The following FRYL variants were observed in gnomAD, a reference collection of about 807,000 sequenced individuals.
FRYL encodes the protein protein furry homolog-like.
Under a neutral mutation model 351.2 loss-of-function variants are expected in FRYL, and 150 were observed. The observed-to-expected ratio is 0.43, with a 90% CI of 0.37 to 0.49. FRYL has a LOEUF of 0.49. FRYL is among the 20% of genes least tolerant of loss of function. The pLI is 0.00. For missense variants in FRYL, 3,036 were observed against 3,619.3 expected (o/e 0.84, Z 4.13); for synonymous variants, 1,153 against 1,257.1 (o/e 0.92, Z 1.75).
chr4:48,512,915 C>T (rs554846527), intron 56 of FRYL, among the ~76,000 whole-genome samples: 51 of 152,254 alleles, frequency 3.3e-4, no homozygotes, highest in Non-Finnish European at 6.3e-4. Flanking sequence ...AAGCAACTAC[C>T]TTAAAATAAC....
chr4:48,681,445 A>AT (rs1172398887), intron 3 of FRYL, among the ~76,000 whole-genome samples: 1 of 152,190 alleles, frequency 6.6e-6, no homozygotes, highest in Non-Finnish European at 1.5e-5. Context: ...TAACATTTAG[A>AT]TTTTGAAAAC....
chr4:48,582,973 GAAT>G (rs904273451), intron 19 of FRYL, among the ~76,000 whole-genome samples: 4 of 152,114 alleles, frequency 2.6e-5, no homozygotes, highest in Admixed American at 6.5e-5. Flanking sequence ...ACTATAATCT[GAAT>G]AATAAGTTTG....
intron 1 of FRYL, among the ~76,000 whole-genome samples, chr4:48,757,369 G>T (rs1773906794): frequency 6.6e-6 from 1 of 152,168 alleles, no homozygotes; most frequent in African/African-American, 2.4e-5. Context: ...ATCTCCTTAA[G>T]CTGATAAGCA....
intron 12 of FRYL, among the ~76,000 whole-genome samples, 173 bp from the exon 13 acceptor site, chr4:48,602,294 A>G (rs1475436539): frequency 6.6e-6 from 1 of 152,212 alleles, no homozygotes; most frequent in Non-Finnish European, 1.5e-5. Context: ...AAAGATAAAG[A>G]GTAAATTTTC....
At chr4:48,760,987 ACTCT>A (rs925452618) in intron 1 of FRYL, among the ~76,000 whole-genome samples, 26 of 127,016 alleles carry the variant, frequency 2.0e-4, no homozygotes, top group South Asian at 2.5e-4. Context: ...CACCCTCGCT[ACTCT>A]CTATTATTAC....
chr4:48,658,734 A>C (rs781012138), intron 3 of FRYL, among the ~76,000 whole-genome samples: 1 of 140,954 alleles, frequency 7.1e-6, no homozygotes, highest in Non-Finnish European at 1.5e-5. Context: ...TGCCTGAGTG[A>C]CAGTGAGACC....
At chr4:48,612,737 C>A (rs1168215834) in intron 7 of FRYL, among the ~76,000 whole-genome samples, 2 of 140,842 alleles carry the variant, frequency 1.4e-5, no homozygotes, top group South Asian at 4.9e-4. Flanking sequence ...TGCCACCATG[C>A]CTGGCTAATT....
chr4:48,571,028 G>A (rs1176048647), intron 26 of FRYL, 110 bp from the exon 27 acceptor site: 1 of 787,028 alleles, frequency 1.3e-6, no homozygotes, highest in Non-Finnish European at 2.1e-6. Context: ...TATTTTGCTT[G>A]TACAGTGTAG....
intron 3 of FRYL, among the ~76,000 whole-genome samples, chr4:48,682,661 G>GA (rs1764750217): frequency 6.6e-6 from 1 of 151,662 alleles, no homozygotes; most frequent in Non-Finnish European, 1.5e-5. Context: ...ACAAACATAC[G>GA]AAAAAAAACC....
Position 48,634,426 on chromosome 4 carries a change from T to C in FRYL, c.-16A>G, listed in dbSNP as rs200631733. The C allele has an allele frequency of 1.8e-3, 2,893 of 1,612,968 alleles. 64 individuals are homozygous for C. In the South Asian group the frequency reaches 0.03, roughly 17 times the overall value. On this transcript the variant is annotated 5_prime_UTR_variant, in exon 4 of 64. Coordinates refer to ENST00000358350, the MANE Select transcript of FRYL (RefSeq NM_015030.2). ...TGTTTGACATGATGATATTTTTTTT[T>C]CCCCAAGTGGAATGAAAGTTGGAAG...
At chr4:48,754,259 T>C (rs1173103024) in intron 1 of FRYL, among the ~76,000 whole-genome samples, 1 of 152,240 alleles carries the variant, frequency 6.6e-6, no homozygotes, top group Non-Finnish European at 1.5e-5. Flanking sequence ...TTCATATCAA[T>C]GGCATCATAC....
intron 53 of FRYL, 79 bp from the exon 54 acceptor site, chr4:48,523,183 T>C (rs1725268834): frequency 2.1e-6 from 2 of 938,780 alleles, no homozygotes; most frequent in South Asian, 1.6e-5. Context: ...CAGAAAAACA[T>C]ATACCAAGAT....
At chr4:48,682,335 G>A (rs1453057661) in intron 3 of FRYL, among the ~76,000 whole-genome samples, 1 of 152,042 alleles carries the variant, frequency 6.6e-6, no homozygotes, top group East Asian at 1.9e-4. Context: ...GAAAACCCAG[G>A]CAATACCATT....
Position 48,549,067 on chromosome 4 carries a change from T to C in FRYL, c.4785-274A>G, listed in dbSNP as rs1216168953. ...AGACTTAGCACACTGCTTGCCACAG[T>C]AGGTGTTCAATACATGTTTGGTGCA... On this transcript the variant is annotated intron_variant, in intron 39 of 63. Coordinates refer to ENST00000358350, the MANE Select transcript of FRYL (RefSeq NM_015030.2). The surrounding 1 kb of genome is among the most constrained non-coding windows in gnomAD (Gnocchi z 4.2). Among the ~76,000 whole-genome samples, 1 of 152,194 alleles carries C rather than the reference T, an allele frequency of 6.6e-6. No homozygotes were observed. The highest frequency in any genetic ancestry group is 1.5e-5 in the Non-Finnish European group (1 of 68,030).
chr4:48,734,075 T>C (rs531466595), intron 1 of FRYL, among the ~76,000 whole-genome samples: 1 of 152,026 alleles, frequency 6.6e-6, no homozygotes, highest in Admixed American at 6.6e-5. Flanking sequence ...ATAATCACTC[T>C]AAACATCAAT....
At chr4:48,524,181 T>C (rs549662401) in intron 53 of FRYL, among the ~76,000 whole-genome samples, 1,477 of 141,836 alleles carry the variant, frequency 0.01, 13 homozygotes, top group Non-Finnish European at 0.014. Flanking sequence ...TTTTCAAATC[T>C]TTTTTTTTTT....
intron 27 of FRYL, among the ~76,000 whole-genome samples, chr4:48,568,054 C>T (rs185057680): frequency 9.2e-5 from 14 of 152,262 alleles, no homozygotes; most frequent in African/African-American, 2.2e-4. Flanking sequence ...TCACTGAGTC[C>T]AAGAGATTGA....
intron 3 of FRYL, among the ~76,000 whole-genome samples, chr4:48,658,603 A>AT (rs1759750113): frequency 6.6e-6 from 1 of 150,734 alleles, no homozygotes; most frequent in Admixed American, 6.6e-5. Flanking sequence ...AAAAAAAAAA[A>AT]AATTGCCAGG....
intron 1 of FRYL, among the ~76,000 whole-genome samples, chr4:48,774,595 G>A (rs1202519132): frequency 6.6e-6 from 1 of 151,572 alleles, no homozygotes; most frequent in Non-Finnish European, 1.5e-5. Context: ...ACCTAGGCTG[G>A]AGCACAGTGG....
Sources: allele counts gnomAD v4.1 joint callset (sites outside exome capture counted in the v4.1 genomes callset), GRCh38; gene constraint gnomAD v4.1.1; non-coding constraint Gnocchi (gnomAD v3.1); transcripts MANE v1.5; gene names NCBI Gene and HGNC (gene_info 2026-07-23, HGNC 2026-07-21).